Variants in DIXDC1 observed in about 807,000 individuals in gnomAD.
The protein encoded by DIXDC1 is DIX domain containing 1.
Under a neutral mutation model 103.1 loss-of-function variants are expected in DIXDC1, and 64 were observed. That is an observed-to-expected ratio of 0.62 (90% CI 0.51 to 0.76). The LOEUF is 0.76. DIXDC1 is among the 30% of genes least tolerant of loss of function. DIXDC1 has a pLI of 0.00. For missense variants in DIXDC1, 759 were observed against 834.2 expected (o/e 0.91, Z 1.11); for synonymous variants, 266 against 298.5 (o/e 0.89, Z 1.12).
upstream of DIXDC1, among the ~76,000 whole-genome samples, chr11:111,936,526 AAT>A (rs200399928): frequency 2.4e-3 from 365 of 152,344 alleles, 3 homozygotes; most frequent in Admixed American, 0.016. Flanking sequence ...TAAAGAATGA[AAT>A]AGGAAAATTT....
rs888026370 is a variant in DIXDC1, at chr11:111,976,609, C to T, written c.656+1626C>T. On this transcript the variant is annotated intron_variant, in intron 5 of 19. Transcript: ENST00000440460. This position sits in a 1 kb window ranked among gnomAD's most constrained non-coding sequence, Gnocchi z 4.3. ...CAGGTTCCCGCACATTCTGAGCCCT[C>T]GCCCCCAGGGAGCCCACTTAGTGGC... 6.6e-6 allele frequency among the ~76,000 whole-genome samples: 1 copy of T among 152,128 alleles called. No individual in the cohort carries two copies. The highest frequency in any genetic ancestry group is 6.5e-5 in the Admixed American group (1 of 15,270).
At chr11:111,948,335 C>T (rs1184017723) in intron 1 of DIXDC1, among the ~76,000 whole-genome samples, 3 of 152,194 alleles carry the variant, frequency 2.0e-5, no homozygotes, top group Admixed American at 1.3e-4. Context: ...TCCTTTCCTT[C>T]CTGTCCTCTA....
intron 1 of DIXDC1, among the ~76,000 whole-genome samples, chr11:111,928,239 A>T (rs1965893961): frequency 1.3e-5 from 2 of 151,926 alleles, no homozygotes; most frequent in African/African-American, 4.8e-5. Flanking sequence ...GAAACTCTGT[A>T]GCCTATTTTC....
chr11:111,985,313 G>C lies in DIXDC1; in HGVS notation c.1000G>C (p.Glu334Gln), dbSNP rs1555173720. ...ALCEPGVNPEEQLIIIQSRLD... is the reference protein window; with the variant it reads ...ALCEPGVNPEQQLIIIQSRLD... ...CTGTGAACCAGGTGTCAATCCCGAG[G>C]AACAACTGGTGAGCTCCATCTTTTG... Residue 334 changes from glutamate to glutamine, a missense_variant, in exon 8 of 20, where the codon GAA becomes CAA. Transcript: ENST00000440460. 6.2e-7 allele frequency: 1 copy of C among 1,612,622 alleles called. No homozygotes were observed. Among genetic ancestry groups the C allele is most frequent in the Non-Finnish European group, 8.5e-7 (1 of 1,179,250 alleles).
At chr11:111,934,878 ATT>A (rs1485646888), upstream of DIXDC1, among the ~76,000 whole-genome samples, 1 of 152,244 alleles carries the variant, frequency 6.6e-6, no homozygotes, top group African/African-American at 2.4e-5. Flanking sequence ...TAGAATGAAT[ATT>A]TTGAAATTGT....
chr11:111,946,823 G>A, intron 1 of DIXDC1: 1 of 433,816 alleles, frequency 2.3e-6, no homozygotes, highest in Non-Finnish European at 4.6e-6. Flanking sequence ...ACAGGGATTT[G>A]GGACAGCCTA....
chr11:111,965,629 T>C (rs1287248441), intron 2 of DIXDC1, among the ~76,000 whole-genome samples: 2 of 152,236 alleles, frequency 1.3e-5, no homozygotes, highest in Non-Finnish European at 2.9e-5. Context: ...GATTGAACAC[T>C]TTCTATCTTG....
upstream of DIXDC1, among the ~76,000 whole-genome samples, chr11:111,932,978 A>G (rs587595635): frequency 1.3e-5 from 2 of 152,368 alleles, no homozygotes; most frequent in South Asian, 4.1e-4. Context: ...GAAACAATGT[A>G]TGAATGAATG....
rs782616022 is a variant in DIXDC1, at chr11:111,937,451, G to A, written c.-49G>A. The A allele has an allele frequency of 4.3e-5, 67 of 1,551,354 alleles. No homozygotes were observed. The highest frequency in any genetic ancestry group is 5.4e-5 in the Non-Finnish European group (62 of 1,148,056). ...TGCAGAGGGAGGAGGAGGAGGCGGC[G>A]GCGGCCGCCGGGCTGGAGACCCCGC... On this transcript the variant is annotated 5_prime_UTR_variant, in exon 1 of 20. Transcript: ENST00000440460.
At position 111,993,490 on chromosome 11, in the gene DIXDC1, T is replaced by C. The variant is rs781797151; in HGVS notation, c.1273-6T>C. Reference sequence around the variant, plus strand: ...CGCTCATCTTAAAGCTCTATCTTTATTGCAGAAAGAGCTGGGGCAGAAGGA... The same window carrying C: ...CGCTCATCTTAAAGCTCTATCTTTACTGCAGAAAGAGCTGGGGCAGAAGGA... On this transcript the variant is annotated splice_polypyrimidine_tract_variant and splice_region_variant and intron_variant, in intron 12 of 19. Transcript: ENST00000440460. The C allele has an allele frequency of 1.2e-6, 2 of 1,613,834 alleles. No homozygotes were observed. The highest frequency in any genetic ancestry group is 2.7e-5 in the African/African-American group (2 of 74,914).
chr11:111,983,446 G>A (rs1406216115), intron 7 of DIXDC1, among the ~76,000 whole-genome samples: 2 of 152,196 alleles, frequency 1.3e-5, no homozygotes, highest in African/African-American at 2.4e-5. Context: ...CATTCCCAAA[G>A]AAAGTTGTTG....
At chr11:111,979,127 T>A (rs1460059703) in intron 5 of DIXDC1, among the ~76,000 whole-genome samples, 5 of 152,236 alleles carry the variant, frequency 3.3e-5, no homozygotes, top group African/African-American at 1.2e-4. Flanking sequence ...TTAAAAGCTT[T>A]AAAATGTTTT....
chr11:111,973,097 G>A (rs1555172213), intron 3 of DIXDC1, among the ~76,000 whole-genome samples: 4 of 151,396 alleles, frequency 2.6e-5, no homozygotes, highest in Admixed American at 1.3e-4. Flanking sequence ...TGAGCCGGGC[G>A]CAGTGGCTCA....
chr11:112,009,996 A>C (rs1046253083), intron 17 of DIXDC1, among the ~76,000 whole-genome samples: 1 of 152,228 alleles, frequency 6.6e-6, no homozygotes, highest in African/African-American at 2.4e-5. Context: ...AGGGTATTCA[A>C]TTTGGAAAAG....
chr11:111,986,327 A>ACCCCC (rs1399790885), intron 8 of DIXDC1, among the ~76,000 whole-genome samples: 1 of 57,160 alleles, frequency 1.7e-5, no homozygotes, highest in Admixed American at 2.0e-4. Context: ...CCTTTACCCC[A>ACCCCC]CCCCCTCCCC....
intron 9 of DIXDC1, among the ~76,000 whole-genome samples, 170 bp downstream of exon 9, chr11:111,987,094 C>T (rs1860518184): frequency 6.6e-6 from 1 of 151,896 alleles, no homozygotes; most frequent in Non-Finnish European, 1.5e-5. Context: ...ACCAAAAATA[C>T]GAAAAATTAG....
intron 1 of DIXDC1, among the ~76,000 whole-genome samples, chr11:111,963,333 C>T (rs1859635193): frequency 6.6e-6 from 1 of 152,190 alleles, no homozygotes; most frequent in African/African-American, 2.4e-5. Context: ...CCACCTCCTC[C>T]TGATCGTTGC....
At chr11:111,942,441 C>G (rs969060608) in intron 1 of DIXDC1, among the ~76,000 whole-genome samples, 1 of 152,174 alleles carries the variant, frequency 6.6e-6, no homozygotes, top group African/African-American at 2.4e-5. Flanking sequence ...TTTGTTATTC[C>G]CCCAAACCAA....
rs781978460 is a variant in DIXDC1 at position 111,993,026 on chromosome 11, G to A, written c.1272+22G>A. ...TAAAGTAAGAATGAATATCAGTTTG[G>A]AAATGACTTCCACTGACTTTTCATG... On this transcript the variant is annotated intron_variant, in intron 12 of 19. Coordinates refer to ENST00000440460, the MANE Select transcript of DIXDC1 (RefSeq NM_001037954.4). 5 of 1,585,904 alleles carry A rather than the reference G, an allele frequency of 3.2e-6. No homozygotes were observed. The African/African-American group carries it at 6.7e-5, about 21-fold the overall frequency.
Sources: gnomAD v4.1 joint callset for allele counts (sites outside exome capture counted in the v4.1 genomes callset) on GRCh38, gnomAD v4.1.1 for gene constraint, Gnocchi (gnomAD v3.1) non-coding constraint, MANE v1.5 for transcripts, NCBI Gene and HGNC (gene_info 2026-07-23, HGNC 2026-07-21) for gene names.